Variants in VGLL3 observed in about 807,000 individuals in gnomAD.
VGLL3 encodes vestigial like family member 3.
Under a neutral mutation model 29.2 loss-of-function variants are expected in VGLL3, and 18 were observed. That is an observed-to-expected ratio of 0.62 (90% CI 0.43 to 0.91). The LOEUF (loss-of-function observed/expected upper bound fraction) is 0.91, where lower values mean the gene tolerates loss of function less well. VGLL3 is among the 40% of genes least tolerant of loss of function. The pLI, the probability that VGLL3 is intolerant of heterozygous loss-of-function variation, is 0.00. For missense variants in VGLL3, 440 were observed against 413.2 expected (o/e 1.06, Z -0.56); for synonymous variants, 180 against 151.8 (o/e 1.19, Z -1.36).
At position 86,944,752 on chromosome 3, in the gene VGLL3, T is replaced by A. The variant is rs1055861988; in HGVS notation, c.*2272A>T. On this transcript the variant is annotated 3_prime_UTR_variant, in exon 4 of 4. Transcript: ENST00000398399. ...ATTAAATTTGGTGGAAAATAAGAAATGGAGCTAGGAATAACTACTTTCCTT... is the reference window on the plus strand; with the variant it reads ...ATTAAATTTGGTGGAAAATAAGAAAAGGAGCTAGGAATAACTACTTTCCTT... 1.3e-5 allele frequency: 2 copies of A among 152,174 alleles called. No individual in the cohort carries two copies. The highest frequency in any genetic ancestry group is 2.9e-5 in the Non-Finnish European group (2 of 68,018). The allele number at this position is 152,174 out of a possible 1,614,324, so 9.4% of individuals were successfully genotyped here. A position where few individuals can be genotyped will look rare whatever the true frequency, so the allele number is the denominator to read the frequency against.
At chr3:86,980,639 G>A (rs1211994146) in intron 1 of VGLL3, among the ~76,000 whole-genome samples, 1 of 151,970 alleles carries the variant, frequency 6.6e-6, no homozygotes, top group Non-Finnish European at 1.5e-5. Flanking sequence ...TGTAAAATGA[G>A]GGAATCGAAC....
chr3:86,990,517 C>T, intron 1 of VGLL3, 101 bp downstream of exon 1: 1 of 1,293,658 alleles, frequency 7.7e-7, no homozygotes. Context: ...CCAGAGCATC[C>T]TCTGCGCCAC....
chr3:86,946,729 C>A lies in VGLL3; in HGVS notation c.*295G>T, dbSNP rs1465768331. On this transcript the variant is annotated 3_prime_UTR_variant, in exon 4 of 4. Coordinates refer to ENST00000398399, the MANE Select transcript of VGLL3 (RefSeq NM_016206.4). ...AAGGTGGTTGGCTAAAAAAAAAAAT[C>A]AAAATGAAACAAAAACTTAGCTATA... The A allele has an allele frequency of 7.9e-6, 2 of 254,340 alleles. No homozygotes were observed. The highest frequency in any genetic ancestry group is 7.3e-5 in the East Asian group (1 of 13,760). The allele number at this position is 254,340 out of a possible 1,614,324, so 15.8% of individuals were successfully genotyped here.
intron 3 of VGLL3, among the ~76,000 whole-genome samples, chr3:86,965,435 T>C (rs894478709): frequency 6.6e-6 from 1 of 152,244 alleles, no homozygotes; most frequent in Non-Finnish European, 1.5e-5. Context: ...GGGACCCAAC[T>C]TTCACTGTTC....
In VGLL3 at chr3:86,960,932, GATATATATATATAT is replaced by G. The variant is rs57744873; in HGVS notation, c.937+7644_937+7657del. Among the ~76,000 whole-genome samples, 48 of 137,916 alleles carry G rather than the reference GATATATATATATAT, an allele frequency of 3.5e-4. 1 individual carries two copies. The highest frequency in any genetic ancestry group is 8.5e-4 in the East Asian group (4 of 4,726). 90.5% of individuals were successfully genotyped at this position (137,916 alleles called of 152,430 possible). A position where few individuals can be genotyped will look rare whatever the true frequency, so the allele number is the denominator to read the frequency against. On this transcript the variant is annotated intron_variant, in intron 3 of 3. Transcript: ENST00000398399. ...TATTAGGTTATGCAAAAGTAATTGT[GATATATATATATAT>G]ATATATATATATATATATATGCATA... is the stretch of plus-strand genomic sequence containing the variant.
At chr3:86,965,422 A>G (rs1285554102) in intron 3 of VGLL3, among the ~76,000 whole-genome samples, 1 of 152,150 alleles carries the variant, frequency 6.6e-6, no homozygotes, top group Admixed American at 6.5e-5. Flanking sequence ...CAGGTTACAC[A>G]GAGGGACCCA....
chr3:86,977,034 A>T (rs889637211), intron 2 of VGLL3, among the ~76,000 whole-genome samples: 11 of 152,312 alleles, frequency 7.2e-5, no homozygotes, highest in Admixed American at 5.2e-4. Flanking sequence ...CCAAGGACTA[A>T]GTCTCAGTTC....
At chr3:86,960,716 G>C (rs1704819736) in intron 3 of VGLL3, among the ~76,000 whole-genome samples, 1 of 151,996 alleles carries the variant, frequency 6.6e-6, no homozygotes, top group Non-Finnish European at 1.5e-5. Flanking sequence ...TGCTAAGTAA[G>C]AGATGAACCA....
intron 2 of VGLL3, 79 bp downstream of exon 2, chr3:86,978,447 A>T: frequency 6.7e-7 from 1 of 1,490,204 alleles, no homozygotes; most frequent in Middle Eastern, 2.1e-4. Flanking sequence ...CTCAGGGGCA[A>T]GTCTCCAGCT....
chr3:86,967,597 G>T (rs931942711), intron 3 of VGLL3, among the ~76,000 whole-genome samples: 5 of 152,066 alleles, frequency 3.3e-5, no homozygotes, highest in East Asian at 3.9e-4. Context: ...CATGATTAAG[G>T]GTTCTCCACA....
At chr3:86,989,491 C>T (rs1157334229) in intron 1 of VGLL3, among the ~76,000 whole-genome samples, 3 of 152,010 alleles carry the variant, frequency 2.0e-5, no homozygotes, top group African/African-American at 7.3e-5. Flanking sequence ...AAGAGTAGCA[C>T]TGTAATTCTA....
At chr3:86,982,360 G>T (rs1159390730) in intron 1 of VGLL3, among the ~76,000 whole-genome samples, 4 of 151,594 alleles carry the variant, frequency 2.6e-5, no homozygotes, top group East Asian at 3.9e-4. Context: ...TGGCCAGGCT[G>T]CTCTCAAACT....
At chr3:86,952,624 A>G (rs1301337872) in intron 3 of VGLL3, among the ~76,000 whole-genome samples, 2 of 152,230 alleles carry the variant, frequency 1.3e-5, no homozygotes, top group South Asian at 2.1e-4. Flanking sequence ...CATTTCATAC[A>G]TATTAAAAGT....
chr3:86,981,959 T>C (rs1459673729), intron 1 of VGLL3, among the ~76,000 whole-genome samples: 2 of 152,172 alleles, frequency 1.3e-5, no homozygotes, highest in Non-Finnish European at 2.9e-5. Flanking sequence ...GTGCCAAGGT[T>C]GAATTTGCAT....
intron 3 of VGLL3, chr3:86,962,601 T>C (rs1704875826): frequency 5.2e-6 from 5 of 956,880 alleles, no homozygotes; most frequent in South Asian, 9.6e-5. Flanking sequence ...TGCATATATA[T>C]GCTCTTTGAA....
intron 3 of VGLL3, among the ~76,000 whole-genome samples, chr3:86,952,584 T>C (rs910951200): frequency 6.6e-6 from 1 of 152,134 alleles, no homozygotes; most frequent in African/African-American, 2.4e-5. Context: ...AAAGTAAAGA[T>C]AGCATTTGTA....
chr3:86,954,634 A>G (rs1260535526), intron 3 of VGLL3, among the ~76,000 whole-genome samples: 1 of 152,116 alleles, frequency 6.6e-6, no homozygotes, highest in Non-Finnish European at 1.5e-5. Context: ...TTTTTTTATC[A>G]TAGTGGCAAT....
chr3:86,939,162 A>G lies in VGLL3; in HGVS notation c.*7862T>C, dbSNP rs763725204. On this transcript the variant is annotated 3_prime_UTR_variant, in exon 4 of 4. Transcript: ENST00000398399. ...AACCCCCACACAAATGCCAACGCAA[A>G]CATTATGACTTGCTACTCCCAGTGA... The G allele has an allele frequency of 2.6e-5, 4 of 152,230 alleles. No homozygotes were observed. The highest frequency in any genetic ancestry group is 5.9e-5 in the Non-Finnish European group (4 of 68,046). 9.4% of individuals were successfully genotyped at this position (152,230 alleles called of 1,614,324 possible). A position where few individuals can be genotyped will look rare whatever the true frequency, so the allele number is the denominator to read the frequency against.
chr3:86,968,616 A>C lies in VGLL3; in HGVS notation c.911T>G (p.Ile304Arg), dbSNP rs755003612. 1 of 1,614,094 alleles carries C rather than the reference A, an allele frequency of 6.2e-7. No individual in the cohort carries two copies. The highest frequency in any genetic ancestry group is 8.5e-7 in the Non-Finnish European group (1 of 1,180,028). ...TGTATCGAATCCCACGCTGGGCACT[A>C]TGTCTACTGTTCCATGAAAGGCTCC... is the stretch of plus-strand genomic sequence containing the variant. ...WAGAFHGTVDIVPSVGFDTGL... is the reference protein window; with the variant it reads ...WAGAFHGTVDRVPSVGFDTGL... The change falls in exon 3 of 4, where the codon ATA (isoleucine) becomes AGA (arginine). Residue 304 changes from isoleucine (I) to arginine (R), a missense_variant. Transcript: ENST00000398399.
Sources: gnomAD v4.1 joint callset for allele counts (sites outside exome capture counted in the v4.1 genomes callset) on GRCh38, gnomAD v4.1.1 for gene constraint, MANE v1.5 for transcripts, NCBI Gene and HGNC (gene_info 2026-07-23, HGNC 2026-07-21) for gene names.